Variants in RIT2 observed in about 807,000 individuals in gnomAD.
RIT2 encodes GTP-binding protein Rit2.
In RIT2, 24 loss-of-function variants were observed where a neutral mutation model predicts 23.7. The observed-to-expected ratio is 1.01, with a 90% CI of 0.73 to 1.43. RIT2 has a LOEUF of 1.43. Ranked by LOEUF, RIT2 falls within the 40% of genes most tolerant of loss-of-function variation. The pLI is 0.00. For synonymous variants in RIT2, 107 were observed against 91.1 expected, an observed-to-expected ratio of 1.17 and a Z score of -0.99; for missense variants, 236 against 266.9, an observed-to-expected ratio of 0.88 and a Z score of 0.81.
rs75478239 is a variant in RIT2, at chr18:43,056,651, G to A, written c.104-22784C>T. On this transcript the variant is annotated intron_variant, in intron 1 of 4. Coordinates refer to ENST00000326695, the MANE Select transcript of RIT2 (RefSeq NM_002930.4). The stretch of plus-strand genomic sequence containing the variant: ...ATTGAAGAAATAAATCATAAAGGTC[G>A]TAAAGAATTTGGGCTTTTGAAATCT... Among the ~76,000 whole-genome samples, 684 of 152,186 alleles carry A rather than the reference G, an allele frequency of 4.5e-3. 6 individuals are homozygous for A. The highest frequency in any genetic ancestry group is 0.016 in the African/African-American group (653 of 41,534).
intron 1 of RIT2, among the ~76,000 whole-genome samples, chr18:43,051,018 A>G (rs978299129): frequency 3.9e-5 from 6 of 152,098 alleles, no homozygotes; most frequent in Non-Finnish European, 8.8e-5. Context: ...GAGAACCCCA[A>G]CGTGAAGCCA....
At chr18:42,944,599 C>A (rs1221128912) in intron 3 of RIT2, among the ~76,000 whole-genome samples, 2 of 151,986 alleles carry the variant, frequency 1.3e-5, no homozygotes, top group East Asian at 1.9e-4. Context: ...GAGAGAGAGC[C>A]AGGACTATGA....
At chr18:42,903,027 A>G (rs1210595306) in intron 4 of RIT2, among the ~76,000 whole-genome samples, 4 of 151,946 alleles carry the variant, frequency 2.6e-5, no homozygotes, top group Non-Finnish European at 5.9e-5. Flanking sequence ...AGTCAAAAAG[A>G]TCGAGGAGGC....
chr18:42,743,870 C>A, intron 4 of RIT2, 150 bp from the exon 5 acceptor site: 1 of 610,230 alleles, frequency 1.6e-6, no homozygotes, highest in Non-Finnish European at 2.9e-6. Flanking sequence ...CCCAGATGGC[C>A]TGAAGTAACT....
In RIT2 at chr18:42,790,528, C is replaced by T. The variant is rs536092113; in HGVS notation, c.427-46808G>A. On this transcript the variant is annotated intron_variant, in intron 4 of 4. Coordinates refer to ENST00000326695, the MANE Select transcript of RIT2 (RefSeq NM_002930.4). Reference sequence around the variant, plus strand: ...CGCCATCTCGGCTCACTGCAAGCTCCGCCTCCTGGGTTCAAGCAGCCTACC... The same window carrying T: ...CGCCATCTCGGCTCACTGCAAGCTCTGCCTCCTGGGTTCAAGCAGCCTACC... Among the ~76,000 whole-genome samples, 19 of 152,262 alleles carry T rather than the reference C, an allele frequency of 1.2e-4. 1 individual carries two copies. The South Asian group carries it at 2.5e-3, about 20-fold the overall frequency.
At chr18:42,953,671 C>T (rs887667183) in intron 3 of RIT2, among the ~76,000 whole-genome samples, 2 of 152,178 alleles carry the variant, frequency 1.3e-5, no homozygotes, top group Non-Finnish European at 2.9e-5. Context: ...ATAAACAACA[C>T]TGTTAAAGCT....
At chr18:43,102,139 T>A (rs139942314) in intron 1 of RIT2, among the ~76,000 whole-genome samples, 1 of 152,194 alleles carries the variant, frequency 6.6e-6, no homozygotes, top group South Asian at 2.1e-4. Flanking sequence ...GATTCTATGG[T>A]CTTCTCTTCT....
At chr18:42,955,278 C>T (rs1161343233) in intron 3 of RIT2, among the ~76,000 whole-genome samples, 2 of 152,120 alleles carry the variant, frequency 1.3e-5, no homozygotes, top group African/African-American at 4.8e-5. Flanking sequence ...GAGCAGACAC[C>T]AGAGAGTCCA....
chr18:42,781,894 T>G (rs1913818778), intron 4 of RIT2, among the ~76,000 whole-genome samples: 1 of 152,210 alleles, frequency 6.6e-6, no homozygotes, highest in Non-Finnish European at 1.5e-5. Flanking sequence ...ACTTTTGCTC[T>G]TGGGAAAATG....
intron 3 of RIT2, among the ~76,000 whole-genome samples, chr18:42,966,243 C>G (rs930089087): frequency 2.0e-5 from 3 of 152,114 alleles, no homozygotes; most frequent in East Asian, 1.9e-4. Context: ...TTATAGGATG[C>G]AAAGTTCTTT....
At chr18:42,825,967 A>G (rs1369234947) in intron 4 of RIT2, among the ~76,000 whole-genome samples, 1 of 151,982 alleles carries the variant, frequency 6.6e-6, no homozygotes, top group Non-Finnish European at 1.5e-5. Context: ...ATTGCAATTA[A>G]TTATTGCCCT....
At chr18:43,061,932 G>A (rs139341281) in intron 1 of RIT2, among the ~76,000 whole-genome samples, 1 of 152,220 alleles carries the variant, frequency 6.6e-6, no homozygotes, top group African/African-American at 2.4e-5. Flanking sequence ...TGCGGGCAGT[G>A]GGAGTAAAAG....
chr18:43,010,136 A>G (rs1036897436), intron 2 of RIT2, among the ~76,000 whole-genome samples: 27 of 151,756 alleles, frequency 1.8e-4, no homozygotes, highest in African/African-American at 5.6e-4. Flanking sequence ...TAAACCTTCA[A>G]CTATTCAATA....
At chr18:42,809,846 ATGT>A in intron 4 of RIT2, among the ~76,000 whole-genome samples, 2 of 115,636 alleles carry the variant, frequency 1.7e-5, no homozygotes, top group African/African-American at 8.7e-5. Context: ...ATTTGTATAT[ATGT>A]TATATATATT....
chr18:43,062,680 T>G (rs550568669), intron 1 of RIT2, among the ~76,000 whole-genome samples: 1 of 152,254 alleles, frequency 6.6e-6, no homozygotes, highest in African/African-American at 2.4e-5. Context: ...CTGTAGTATC[T>G]AGAACAGAGC....
At chr18:42,802,357 T>C (rs1905562686) in intron 4 of RIT2, among the ~76,000 whole-genome samples, 1 of 152,168 alleles carries the variant, frequency 6.6e-6, no homozygotes, top group South Asian at 2.1e-4. Flanking sequence ...AAATGCAATT[T>C]TGAGTGGCAT....
At chr18:43,042,308 A>T (rs896492278) in intron 1 of RIT2, among the ~76,000 whole-genome samples, 10 of 152,328 alleles carry the variant, frequency 6.6e-5, no homozygotes, top group African/African-American at 1.9e-4. Context: ...CTCTTTCTTC[A>T]TTTAATTGTT....
chr18:42,895,036 A>T (rs184710116), intron 4 of RIT2, among the ~76,000 whole-genome samples: 1 of 152,320 alleles, frequency 6.6e-6, no homozygotes. Flanking sequence ...AAAGAGGGTG[A>T]ATTTCCCTCT....
intron 2 of RIT2, among the ~76,000 whole-genome samples, chr18:42,993,127 C>T (rs527553365): frequency 6.6e-6 from 1 of 152,322 alleles, no homozygotes; most frequent in Non-Finnish European, 1.5e-5. Context: ...CCTCCAGAAC[C>T]TCCTCCCCCA....
Sources: allele counts gnomAD v4.1 joint callset (sites outside exome capture counted in the v4.1 genomes callset), GRCh38; gene constraint gnomAD v4.1.1; transcripts MANE v1.5; gene names NCBI Gene and HGNC (gene_info 2026-07-23, HGNC 2026-07-21).